The following BTG4 variants were observed in gnomAD, a reference collection of about 807,000 sequenced individuals.
BTG4 encodes BTG anti-proliferation factor 4.
BTG4 carries 10 observed loss-of-function variants against 19.3 expected under a neutral mutation model. That is an observed-to-expected ratio of 0.52 (90% confidence interval 0.32 to 0.88). BTG4 has a LOEUF of 0.88. Among genes scored for constraint, BTG4 ranks in the 40% least tolerant of loss-of-function variants. BTG4 has a pLI of 0.04. For missense variants in BTG4, 238 were observed against 281.9 expected (o/e 0.84, Z 1.11); for synonymous variants, 91 against 95.7 (o/e 0.95, Z 0.29).
chr11:111,450,686 A>C, the BTG4 span: 1 of 152,204 alleles, frequency 6.6e-6, no homozygotes, highest in Non-Finnish European at 1.5e-5. Context: ...CTGATTATAT[A>C]CATGCTCTTG....
the BTG4 span, chr11:111,414,847 G>A: frequency 6.6e-6 from 1 of 152,294 alleles, no homozygotes; most frequent in Admixed American, 6.5e-5. Flanking sequence ...CCTCCTAGAA[G>A]GAAACTTGAA....
At chr11:111,472,251 A>T (rs1469797135) in intron 5 of BTG4, among the ~76,000 whole-genome samples, 1 of 152,114 alleles carries the variant, frequency 6.6e-6, no homozygotes, top group African/African-American at 2.4e-5. Context: ...CCTTCCCCTC[A>T]TTCACTCAAC....
intron 5 of BTG4, among the ~76,000 whole-genome samples, chr11:111,478,552 T>C (rs1224042679): frequency 6.6e-6 from 1 of 150,836 alleles, no homozygotes; most frequent in Non-Finnish European, 1.5e-5. Flanking sequence ...GATGTTAGAA[T>C]TATGACAAAG....
the BTG4 span, among the ~76,000 whole-genome samples, chr11:111,407,440 G>C: frequency 6.6e-6 from 1 of 152,152 alleles, no homozygotes; most frequent in Non-Finnish European, 1.5e-5. Flanking sequence ...GGAGGCCAAG[G>C]CAGGTGGATC....
the BTG4 span, among the ~76,000 whole-genome samples, chr11:111,391,778 A>G: frequency 8.5e-4 from 130 of 152,286 alleles, no homozygotes; most frequent in Non-Finnish European, 1.5e-3. Context: ...CGCTTCTTTT[A>G]AAAGTGGCTT....
the BTG4 span, among the ~76,000 whole-genome samples, chr11:111,410,188 T>TC: frequency 3.9e-5 from 6 of 152,124 alleles, no homozygotes; most frequent in East Asian, 1.2e-3. Context: ...AAACTCTTTT[T>TC]TTTTTTATAC....
the BTG4 span, among the ~76,000 whole-genome samples, chr11:111,438,187 G>A: frequency 6.6e-6 from 1 of 152,230 alleles, no homozygotes; most frequent in East Asian, 1.9e-4. Flanking sequence ...CACCCTGATG[G>A]CAGTTCTGCA....
the BTG4 span, chr11:111,448,345 G>T: frequency 1.3e-5 from 2 of 152,466 alleles, no homozygotes. Context: ...AATGGGAGAA[G>T]AGCACTGTCA....
chr11:111,396,367 G>A, the BTG4 span, among the ~76,000 whole-genome samples: 1 of 152,126 alleles, frequency 6.6e-6, no homozygotes. Context: ...GCCCTTTCCA[G>A]GCCTCTCCCA....
chr11:111,391,828 G>C, the BTG4 span, among the ~76,000 whole-genome samples: 1 of 152,146 alleles, frequency 6.6e-6, no homozygotes, highest in Admixed American at 6.5e-5. Context: ...AGGAGAAAGG[G>C]TGGGAGGTTA....
the BTG4 span, among the ~76,000 whole-genome samples, chr11:111,408,993 G>A: frequency 6.6e-6 from 1 of 152,218 alleles, no homozygotes; most frequent in African/African-American, 2.4e-5. Context: ...TGGACTCTGA[G>A]TCGAGTTGAA....
At chr11:111,505,061 C>G (rs2135718881) in intron 1 of BTG4, among the ~76,000 whole-genome samples, 1 of 151,950 alleles carries the variant, frequency 6.6e-6, no homozygotes, top group East Asian at 1.9e-4. Context: ...TCTACAGATT[C>G]AATGCAATCC....
chr11:111,497,343 T>C lies in BTG4; in HGVS notation c.378A>G (p.Leu126=). 1 of 1,522,290 alleles carries C rather than the reference T, an allele frequency of 6.6e-7. No homozygotes were observed. The allele number at this position is 1,522,290 out of a possible 1,614,324, so 94.3% of individuals were successfully genotyped here. Residue 126 remains leucine, a synonymous_variant, in exon 4 of 5, where the codon CTA becomes CTG. Coordinates refer to ENST00000692032, the MANE Select transcript of BTG4 (RefSeq NM_001367975.1). ...SFKGRWEEWE[L]YQQISYAVSR... Reference sequence around the variant, plus strand: ...TAACGGCATAACTGATTTGTTGATATAGTTCCCATTCCTCCCATCTGCCTT... The same window carrying C: ...TAACGGCATAACTGATTTGTTGATACAGTTCCCATTCCTCCCATCTGCCTT...
In BTG4 at chr11:111,497,264, T is replaced by C. The variant is rs1221400679; in HGVS notation, c.457A>G (p.Ser153Gly). The C allele has an allele frequency of 2.5e-6, 4 of 1,613,126 alleles. No homozygotes were observed. The highest frequency in any genetic ancestry group is 3.4e-6 in the Non-Finnish European group (4 of 1,179,578). ...TTAGGAATGACACGAGGTTCCTTGC[T>C]ACAACTTTCTTCATCGCAGGAAGTG... ...SGTSCDEESCSKEPRVIPKVS... is the reference protein window; with the variant it reads ...SGTSCDEESCGKEPRVIPKVS... The change falls in exon 4 of 5, where the codon AGC becomes GGC. Residue 153 changes from serine to glycine, a missense_variant. Transcript: ENST00000692032.
At chr11:111,487,090 T>C (rs1159980883) in intron 5 of BTG4, among the ~76,000 whole-genome samples, 1 of 152,198 alleles carries the variant, frequency 6.6e-6, no homozygotes, top group Non-Finnish European at 1.5e-5. Flanking sequence ...ATTCTGTTTC[T>C]GTGTTAGTTT....
At chr11:111,413,122 C>G in the BTG4 span, among the ~76,000 whole-genome samples, 2 of 152,090 alleles carry the variant, frequency 1.3e-5, no homozygotes, top group African/African-American at 2.4e-5. Context: ...GAGATAGAGA[C>G]TAGAAGGAGG....
At chr11:111,482,252 A>G (rs1864784268) in intron 5 of BTG4, among the ~76,000 whole-genome samples, 1 of 152,120 alleles carries the variant, frequency 6.6e-6, no homozygotes, top group South Asian at 2.1e-4. Flanking sequence ...AAATTCTTAG[A>G]TATAAATCTA....
At chr11:111,493,899 A>G (rs1865567067), downstream of BTG4, among the ~76,000 whole-genome samples, 1 of 152,194 alleles carries the variant, frequency 6.6e-6, no homozygotes, top group Non-Finnish European at 1.5e-5. Flanking sequence ...CTTCATCAGC[A>G]CTAGCATGAC....
the BTG4 span, among the ~76,000 whole-genome samples, chr11:111,425,420 A>T: frequency 6.6e-6 from 1 of 152,076 alleles, no homozygotes; most frequent in Non-Finnish European, 1.5e-5. Context: ...AAGACTGGAG[A>T]GCCCCCAGTG....
Sources: gnomAD v4.1 joint callset for allele counts (sites outside exome capture counted in the v4.1 genomes callset) on GRCh38, gnomAD v4.1.1 for gene constraint, MANE v1.5 for transcripts, NCBI Gene and HGNC (gene_info 2026-07-23, HGNC 2026-07-21) for gene names.